The following ESRRG variants were observed in gnomAD, a reference collection of about 807,000 sequenced individuals.
ESRRG encodes estrogen-related receptor gamma.
A neutral mutation model predicts 44.0 loss-of-function variants in ESRRG; 13 were observed. The ratio of observed to expected loss-of-function variants is 0.30; its 90% CI spans 0.19 to 0.47. The LOEUF (loss-of-function observed/expected upper bound fraction) is 0.47. Ranked by LOEUF, ESRRG falls within the 20% of genes least tolerant of loss-of-function variation. The pLI is 1.00. For missense variants in ESRRG, 395 were observed against 580.6 expected (o/e 0.68, Z 3.29); for synonymous variants, 215 against 214.6 (o/e 1.00, Z -0.02).
At chr1:216,741,302 T>C (rs2090684999) in intron 2 of ESRRG, among the ~76,000 whole-genome samples, 2 of 148,138 alleles carry the variant, frequency 1.4e-5, no homozygotes, top group Non-Finnish European at 3.0e-5. Context: ...ATTTATATTA[T>C]ATAGTTTATG....
At chr1:216,758,339 C>T (rs2092581127) in intron 2 of ESRRG, among the ~76,000 whole-genome samples, 1 of 152,088 alleles carries the variant, frequency 6.6e-6, no homozygotes, top group African/African-American at 2.4e-5. Context: ...CAAACAGCCG[C>T]TCCACCATTC....
Position 216,797,775 on chromosome 1 carries a change from G to A in ESRRG, c.-13-120284C>T, listed in dbSNP as rs571299858. Among the ~76,000 whole-genome samples, 3 of 152,178 alleles carry A rather than the reference G, an allele frequency of 2.0e-5. No homozygotes were observed. The South Asian group carries it at 6.3e-4, about 32-fold the overall frequency. On this transcript the variant is annotated intron_variant, in intron 2 of 7. Transcript: ENST00000359162. ...AACATGACTTAATACTGTTGATGCT[G>A]ACCTTGATCACCTGCTTAAGGTAGT...
chr1:216,953,759 A>G (rs917019378), intron 1 of ESRRG, among the ~76,000 whole-genome samples: 21 of 152,182 alleles, frequency 1.4e-4, no homozygotes, highest in Admixed American at 3.3e-4. Flanking sequence ...ACTTGCAAAG[A>G]GGAAGAATGC....
chr1:216,867,143 G>A (rs1051776422), intron 2 of ESRRG, among the ~76,000 whole-genome samples: 8 of 152,190 alleles, frequency 5.3e-5, no homozygotes, highest in African/African-American at 1.9e-4. Flanking sequence ...TTAGCTGCAA[G>A]AATAACTATC....
intron 1 of ESRRG, among the ~76,000 whole-genome samples, chr1:217,075,315 T>A (rs2091132801): frequency 6.6e-6 from 1 of 152,220 alleles, no homozygotes; most frequent in Non-Finnish European, 1.5e-5. Context: ...TATACATTAT[T>A]ACCCTCACTC....
chr1:216,542,276 T>C (rs2053128568), intron 5 of ESRRG, among the ~76,000 whole-genome samples: 2 of 151,992 alleles, frequency 1.3e-5, no homozygotes, highest in Non-Finnish European at 2.9e-5. Flanking sequence ...TGGGACTTCT[T>C]ATTTAACCAC....
At chr1:216,869,785 C>T (rs753670325) in intron 2 of ESRRG, among the ~76,000 whole-genome samples, 1 of 151,790 alleles carries the variant, frequency 6.6e-6, no homozygotes, top group Non-Finnish European at 1.5e-5. Context: ...AAATGTATAA[C>T]TATATATTTC....
chr1:216,624,383 T>A (rs1290795547), intron 3 of ESRRG, among the ~76,000 whole-genome samples: 1 of 152,076 alleles, frequency 6.6e-6, no homozygotes, highest in Non-Finnish European at 1.5e-5. Context: ...TGTCAAAATA[T>A]CCCAGAGGTA....
intron 1 of ESRRG, among the ~76,000 whole-genome samples, chr1:216,719,084 A>C (rs967588404): frequency 6.6e-6 from 1 of 152,044 alleles, no homozygotes; most frequent in African/African-American, 2.4e-5. Context: ...TATTTTCTTT[A>C]GTCATTGAGC....
At chr1:216,634,985 C>T (rs1459368288) in intron 3 of ESRRG, among the ~76,000 whole-genome samples, 4 of 152,082 alleles carry the variant, frequency 2.6e-5, no homozygotes, top group Non-Finnish European at 4.4e-5. Context: ...TCTCCTCCCT[C>T]CTTTTTTCTT....
At chr1:216,702,327 C>T (rs894135048) in intron 1 of ESRRG, among the ~76,000 whole-genome samples, 1 of 152,112 alleles carries the variant, frequency 6.6e-6, no homozygotes, top group Non-Finnish European at 1.5e-5. Flanking sequence ...CAAAAAGAGA[C>T]ATTCACAGCC....
At chr1:216,906,430 C>G (rs932752483) in intron 2 of ESRRG, among the ~76,000 whole-genome samples, 7 of 152,276 alleles carry the variant, frequency 4.6e-5, no homozygotes, top group Admixed American at 1.3e-4. Context: ...CCTCCAGCAT[C>G]TACCGGCTAT....
At chr1:216,945,306 C>G (rs554043918) in intron 1 of ESRRG, among the ~76,000 whole-genome samples, 2 of 152,156 alleles carry the variant, frequency 1.3e-5, no homozygotes, top group Admixed American at 1.3e-4. Flanking sequence ...TTCAGAATTT[C>G]CTTCAAGCTG....
At chr1:217,066,657 C>T (rs888740721) in intron 1 of ESRRG, among the ~76,000 whole-genome samples, 27 of 152,210 alleles carry the variant, frequency 1.8e-4, no homozygotes, top group Middle Eastern at 3.2e-3. Context: ...CAGGGCTTCT[C>T]GGCCTAGGCA....
intron 2 of ESRRG, among the ~76,000 whole-genome samples, chr1:216,857,125 T>TA (rs954256247): frequency 2.0e-5 from 3 of 151,898 alleles, no homozygotes; most frequent in Non-Finnish European, 4.4e-5. Flanking sequence ...ACGCTAATAA[T>TA]AAAAAAAGGC....
chr1:216,709,908 C>G (rs998330201), intron 1 of ESRRG, among the ~76,000 whole-genome samples: 4 of 152,118 alleles, frequency 2.6e-5, no homozygotes, highest in African/African-American at 4.8e-5. Context: ...CAATATTAAC[C>G]TGTAATCCTG....
intron 1 of ESRRG, among the ~76,000 whole-genome samples, chr1:216,722,867 T>C (rs1246625762): frequency 6.6e-6 from 1 of 152,156 alleles, no homozygotes; most frequent in Admixed American, 6.6e-5. Flanking sequence ...GTATAAATCA[T>C]TTTGAATATT....
chr1:216,791,732 T>C lies in ESRRG; in HGVS notation c.-13-114241A>G, dbSNP rs539102617. 1.1e-4 allele frequency among the ~76,000 whole-genome samples: 16 copies of C among 152,318 alleles called. No homozygotes were observed. In the Middle Eastern group the frequency reaches 0.01, roughly 97 times the overall value. ...CTTATAAGCACTATCATTTTTATCA[T>C]ACCACTTGGTGAATAAAAATTACAT... is the stretch of plus-strand genomic sequence containing the variant. On this transcript the variant is annotated intron_variant, in intron 2 of 7. Coordinates refer to the ESRRG transcript ENST00000359162.
chr1:216,702,818 C>G (rs902665153), intron 1 of ESRRG, among the ~76,000 whole-genome samples: 3 of 149,338 alleles, frequency 2.0e-5, no homozygotes, highest in Non-Finnish European at 1.5e-5. Context: ...AAAGTTGACT[C>G]AAGCACATGA....
Sources: gnomAD v4.1 joint callset for allele counts (sites outside exome capture counted in the v4.1 genomes callset) on GRCh38, gnomAD v4.1.1 for gene constraint, MANE v1.5 for transcripts, NCBI Gene and HGNC (gene_info 2026-07-23, HGNC 2026-07-21) for gene names.